The following NFILZ variants were observed in gnomAD, a reference collection of about 807,000 sequenced individuals.
NFILZ encodes NFIL3 like protein.
At position 8,677,954 on chromosome 19, in the gene NFILZ, C is replaced by T. The variant is rs1198756990; in HGVS notation, c.*319C>T. Reference sequence around the variant, plus strand: ...TATAGCCATCCATTCATCCATTCATCCTCATTTATTCATCCATTCATTCAT... The same window carrying T: ...TATAGCCATCCATTCATCCATTCATTCTCATTTATTCATCCATTCATTCAT... On this transcript the variant is annotated 3_prime_UTR_variant, in exon 6 of 6. Transcript: ENST00000691075. Among the ~76,000 whole-genome samples, 2 of 151,826 alleles carry T rather than the reference C, an allele frequency of 1.3e-5. No homozygotes were observed. The highest frequency in any genetic ancestry group is 2.9e-5 in the Non-Finnish European group (2 of 67,898).
chr19:8,678,090 A>T lies in NFILZ; in HGVS notation c.*455A>T, dbSNP rs1555750957. ...CATCCATCCATCAATCCATCCATCC[A>T]TTCCATCCATCCATCCATCCATCCA... On this transcript the variant is annotated 3_prime_UTR_variant, in exon 6 of 6. Transcript: ENST00000691075. Among the ~76,000 whole-genome samples the T allele has an allele frequency of 1.2e-3, 1 of 830 alleles. No individual in the cohort carries two copies. Among genetic ancestry groups the T allele is most frequent in the Non-Finnish European group, 2.4e-3 (1 of 424 alleles). The allele number at this position is 830 out of a possible 152,430, so 0.5% of individuals were successfully genotyped here. A position where few individuals can be genotyped will look rare whatever the true frequency, so the allele number is the denominator to read the frequency against.
Position 8,636,445 on chromosome 19 carries a change from C to CTTT in NFILZ, c.-164+714_-164+716dup, listed in dbSNP as rs1191329112. On this transcript the variant is annotated intron_variant, in intron 3 of 5. Coordinates refer to ENST00000691075, the MANE Select transcript of NFILZ (RefSeq NM_001378600.1). ...CCTGGGCAACACAGCGAGACTCCAT[C>CTTT]TTTTTTTTTTTTTTTTTGAAACAGA... Among the ~76,000 whole-genome samples, 800 of 104,324 alleles carry CTTT rather than the reference C, an allele frequency of 7.7e-3. 13 individuals are homozygous for CTTT. Among genetic ancestry groups the CTTT allele is most frequent in the African/African-American group, 0.023 (664 of 28,412 alleles). 68.4% of individuals were successfully genotyped at this position (104,324 alleles called of 152,430 possible). A position where few individuals can be genotyped will look rare whatever the true frequency, so the allele number is the denominator to read the frequency against.
chr19:8,676,528 C>T (rs868964247), intron 5 of NFILZ, among the ~76,000 whole-genome samples, 72 bp downstream of exon 5: 8 of 152,140 alleles, frequency 5.3e-5, no homozygotes, highest in African/African-American at 1.9e-4. Context: ...TTCATGATGA[C>T]GGTGGTCTGC....
At chr19:8,652,834 TTC>T (rs1441942995) in intron 3 of NFILZ, among the ~76,000 whole-genome samples, 24 of 150,368 alleles carry the variant, frequency 1.6e-4, no homozygotes, top group African/African-American at 4.7e-4. Flanking sequence ...CTTTCTCACT[TTC>T]TCTTTCTTTC....
intron 3 of NFILZ, among the ~76,000 whole-genome samples, chr19:8,669,954 A>G (rs2043079294): frequency 6.6e-6 from 1 of 152,148 alleles, no homozygotes; most frequent in Admixed American, 6.5e-5. Context: ...CAAATCCCCA[A>G]AGGGTTCTAG....
At chr19:8,672,597 C>CA (rs1323272368) in intron 3 of NFILZ, among the ~76,000 whole-genome samples, 12 of 137,600 alleles carry the variant, frequency 8.7e-5, no homozygotes, top group Admixed American at 1.5e-4. Flanking sequence ...TTTATTAATT[C>CA]AAAAAAATCC....
At chr19:8,638,905 A>C (rs1555746380) in intron 3 of NFILZ, among the ~76,000 whole-genome samples, 1 of 147,530 alleles carries the variant, frequency 6.8e-6, no homozygotes, top group African/African-American at 2.5e-5. Flanking sequence ...GTGCAGTGGC[A>C]CAATCTTGGA....
chr19:8,670,031 C>A (rs1555750145), intron 3 of NFILZ, among the ~76,000 whole-genome samples: 1 of 151,850 alleles, frequency 6.6e-6, no homozygotes, highest in East Asian at 1.9e-4. Context: ...GGGATGGGTC[C>A]AGCAAAGGTG....
At chr19:8,642,882 A>G (rs2042924563) in intron 3 of NFILZ, among the ~76,000 whole-genome samples, 1 of 150,926 alleles carries the variant, frequency 6.6e-6, no homozygotes, top group Admixed American at 6.6e-5. Flanking sequence ...CCACTCCCCA[A>G]TCTGTCACAC....
chr19:8,644,772 C>CA (rs2146141983), intron 3 of NFILZ, among the ~76,000 whole-genome samples: 2 of 146,850 alleles, frequency 1.4e-5, no homozygotes, highest in Non-Finnish European at 3.0e-5. Flanking sequence ...AGCCAGATGA[C>CA]TTTTTTTTTT....
chr19:8,671,415 TA>T (rs782547585), intron 3 of NFILZ, among the ~76,000 whole-genome samples: 11 of 136,480 alleles, frequency 8.1e-5, no homozygotes, highest in Admixed American at 5.7e-4. Flanking sequence ...GGGCGGTGGT[TA>T]GGGGGGTTCA....
At chr19:8,655,389 C>T (rs1307421869) in intron 3 of NFILZ, among the ~76,000 whole-genome samples, 2 of 152,198 alleles carry the variant, frequency 1.3e-5, no homozygotes, top group Admixed American at 1.3e-4. Flanking sequence ...TCCCCCTGTA[C>T]CCTCCTGGTG....
chr19:8,637,074 A>T lies in NFILZ; in HGVS notation c.-164+1328A>T, dbSNP rs190624525. ...CTAACCAAATCCTTGCCTAGTTTTT[A>T]AAAAAATGGGCAAGGCTGAATGTGG... On this transcript the variant is annotated intron_variant, in intron 3 of 5. Coordinates refer to ENST00000691075, the MANE Select transcript of NFILZ (RefSeq NM_001378600.1). Among the ~76,000 whole-genome samples, 553 of 152,158 alleles carry T rather than the reference A, an allele frequency of 3.6e-3. 1 individual carries two copies. The highest frequency in any genetic ancestry group is 0.012 in the African/African-American group (507 of 41,524).
At chr19:8,650,077 T>C (rs2042958395) in intron 3 of NFILZ, among the ~76,000 whole-genome samples, 1 of 149,818 alleles carries the variant, frequency 6.7e-6, no homozygotes, top group South Asian at 2.1e-4. Context: ...ATCATGCCAC[T>C]GCACTCCAGC....
intron 3 of NFILZ, among the ~76,000 whole-genome samples, chr19:8,658,873 C>T (rs2043016869): frequency 6.6e-6 from 1 of 151,934 alleles, no homozygotes; most frequent in African/African-American, 2.4e-5. Flanking sequence ...TCGTTTGAGC[C>T]CAGGAGGTCG....
At chr19:8,630,922 T>C (rs1014994804) in intron 1 of NFILZ, among the ~76,000 whole-genome samples, 178 bp downstream of exon 1, 2 of 152,164 alleles carry the variant, frequency 1.3e-5, no homozygotes, top group Non-Finnish European at 2.9e-5. Flanking sequence ...TGGGATCTCA[T>C]GATTGCCTTT....
chr19:8,656,497 C>CCACCTCTTCCCT (rs1246521049), intron 3 of NFILZ, among the ~76,000 whole-genome samples: 3 of 68,452 alleles, frequency 4.4e-5, no homozygotes, highest in Admixed American at 1.6e-4. Flanking sequence ...CACCTTCTCC[C>CCACCTCTTCCCT]GCAGCCCACC....
Position 8,652,989 on chromosome 19 carries a change from T to C in NFILZ, c.-164+17243T>C, listed in dbSNP as rs1275477150. Among the ~76,000 whole-genome samples the C allele has an allele frequency of 3.0e-3, 90 of 30,080 alleles. 1 individual carries two copies. Among genetic ancestry groups the C allele is most frequent in the Admixed American group, 4.8e-3 (13 of 2,696 alleles). The allele number at this position is 30,080 out of a possible 152,430, so 19.7% of individuals were successfully genotyped here. On this transcript the variant is annotated intron_variant, in intron 3 of 5. Coordinates refer to ENST00000691075, the MANE Select transcript of NFILZ (RefSeq NM_001378600.1). ...CTTCCCTCCTTCCTTCCTTCCTTCC[T>C]TCCTTCCTTCCTTCCTTCCTTCCTT...
intron 3 of NFILZ, among the ~76,000 whole-genome samples, chr19:8,665,978 A>G (rs531353663): frequency 6.6e-6 from 1 of 152,180 alleles, no homozygotes; most frequent in Admixed American, 6.5e-5. Context: ...CCCTCTGGCC[A>G]CATGGGTGGA....
Sources: gnomAD v4.1 joint callset for allele counts (sites outside exome capture counted in the v4.1 genomes callset) on GRCh38, gnomAD v4.1.1 for gene constraint, MANE v1.5 for transcripts, NCBI Gene and HGNC (gene_info 2026-07-23, HGNC 2026-07-21) for gene names.